The following VPS13A variants were observed in gnomAD, a reference collection of about 807,000 sequenced individuals.
The protein encoded by VPS13A is vacuolar protein sorting 13 homolog A, also known as intermembrane lipid transfer protein VPS13A.
A neutral mutation model predicts 390.9 loss-of-function variants in VPS13A; 264 were observed. That is an observed-to-expected ratio of 0.68 (90% CI 0.61 to 0.75). The LOEUF (loss-of-function observed/expected upper bound fraction) is 0.75. Ranked by LOEUF, VPS13A falls within the 30% of genes least tolerant of loss-of-function variation. The pLI, the probability that VPS13A is intolerant of heterozygous loss-of-function variation, is 0.00. For missense variants in VPS13A, 3,409 were observed against 3,733.9 expected, an observed-to-expected ratio of 0.91 and a Z score of 2.27; for synonymous variants, 1,231 against 1,227.1, an observed-to-expected ratio of 1.00 and a Z score of -0.07.
chr9:77,405,605 C>T (rs1169097463), intron 69 of VPS13A, among the ~76,000 whole-genome samples: 1 of 152,022 alleles, frequency 6.6e-6, no homozygotes, highest in Non-Finnish European at 1.5e-5. Flanking sequence ...TTCTTTGACC[C>T]CTGGATTATT....
chr9:77,247,213 A>C, intron 19 of VPS13A, 46 bp from the exon 20 acceptor site: 1 of 1,449,276 alleles, frequency 6.9e-7, no homozygotes, highest in Non-Finnish European at 9.4e-7. Context: ...GTATTTCTCG[A>C]GTAATTTGTG....
At chr9:77,204,501 A>G (rs985236637) in intron 3 of VPS13A, among the ~76,000 whole-genome samples, 3 of 152,212 alleles carry the variant, frequency 2.0e-5, no homozygotes, top group African/African-American at 7.2e-5. Flanking sequence ...TTTCATATAT[A>G]TAGTTTATAT....
chr9:77,188,080 A>G (rs1238230967), intron 1 of VPS13A, among the ~76,000 whole-genome samples: 1 of 152,072 alleles, frequency 6.6e-6, no homozygotes, highest in African/African-American at 2.4e-5. Context: ...GATCTGGTTA[A>G]GTGTGTGGCA....
intron 3 of VPS13A, 59 bp downstream of exon 3, chr9:77,201,466 G>A: frequency 7.5e-7 from 1 of 1,329,166 alleles, no homozygotes. Context: ...AGAATAATTT[G>A]CCTAATATAT....
chr9:77,204,144 G>T (rs1466394161), intron 3 of VPS13A, among the ~76,000 whole-genome samples: 4 of 152,112 alleles, frequency 2.6e-5, no homozygotes, highest in Non-Finnish European at 5.9e-5. Flanking sequence ...ATCATGAGAT[G>T]GATCTAAGTG....
intron 68 of VPS13A, among the ~76,000 whole-genome samples, chr9:77,392,937 A>G (rs1044197332): frequency 2.0e-5 from 3 of 151,886 alleles, no homozygotes; most frequent in Admixed American, 6.6e-5. Flanking sequence ...TAGCTGTGGT[A>G]ATATCTTAAA....
At chr9:77,371,280 C>T in intron 67 of VPS13A, 131 bp downstream of exon 67, 3 of 1,292,734 alleles carry the variant, frequency 2.3e-6, no homozygotes, top group Non-Finnish European at 3.2e-6. Context: ...CACATAATAC[C>T]ACAGACTGGG....
intron 19 of VPS13A, among the ~76,000 whole-genome samples, chr9:77,246,883 A>T (rs1418782163): frequency 6.6e-6 from 1 of 152,168 alleles, no homozygotes; most frequent in African/African-American, 2.4e-5. Context: ...ATTGTTCAGT[A>T]TGGTAAATGT....
chr9:77,180,415 TC>T (rs1369958176), intron 1 of VPS13A, among the ~76,000 whole-genome samples: 6 of 152,238 alleles, frequency 3.9e-5, no homozygotes, highest in Non-Finnish European at 4.4e-5. Flanking sequence ...TCCCATTTTG[TC>T]TTTTGCAGAG....
chr9:77,208,955 A>G (rs1825824220), intron 5 of VPS13A, among the ~76,000 whole-genome samples: 1 of 152,210 alleles, frequency 6.6e-6, no homozygotes, highest in African/African-American at 2.4e-5. Context: ...CCTTGTTCAA[A>G]AGAAGAAAGA....
At chr9:77,345,251 G>C (rs1365177566) in intron 52 of VPS13A, 109 bp downstream of exon 52, 1 of 1,228,506 alleles carries the variant, frequency 8.1e-7, no homozygotes, top group East Asian at 2.3e-5. Flanking sequence ...TAGCATTGTA[G>C]CTGTGTAAAA....
chr9:77,384,533 T>G lies in VPS13A; in HGVS notation c.9189+2446T>G, dbSNP rs187096552. On this transcript the variant is annotated intron_variant, in intron 68 of 71. Coordinates refer to ENST00000360280, the MANE Select transcript of VPS13A (RefSeq NM_033305.3). ...TAATCTTACATGTTTTCAAGCAATT[T>G]GCCATACTCTACTAACCTTTGTGCT... 5.5e-5 allele frequency: 89 copies of G among 1,608,802 alleles called. No individual in the cohort carries two copies. In the African/African-American group the frequency reaches 1.0e-3, roughly 18 times the overall value.
intron 46 of VPS13A, among the ~76,000 whole-genome samples, chr9:77,336,061 A>G (rs950000115): frequency 2.0e-5 from 3 of 152,200 alleles, no homozygotes; most frequent in Non-Finnish European, 2.9e-5. Context: ...TTGCAGGGAC[A>G]TGGGTGAAGC....
chr9:77,194,801 C>T (rs1824893131), intron 1 of VPS13A, among the ~76,000 whole-genome samples: 1 of 152,050 alleles, frequency 6.6e-6, no homozygotes, highest in South Asian at 2.1e-4. Flanking sequence ...TGTTCACTCT[C>T]AGTGCCTTCC....
chr9:77,205,714 C>G (rs1825601669), intron 4 of VPS13A, among the ~76,000 whole-genome samples: 1 of 151,964 alleles, frequency 6.6e-6, no homozygotes, highest in Admixed American at 6.6e-5. Flanking sequence ...GCCTCAGCCT[C>G]CTGAGTAGCT....
Position 77,316,364 on chromosome 9 carries a change from C to T in VPS13A, c.4821C>T (p.Ala1607=), listed in dbSNP as rs1488009693. The change falls in exon 39 of 72, where the codon GCC becomes GCT. Residue 1607 remains alanine, a synonymous_variant. Transcript: ENST00000360280. ...TAAIKDLQVR[A]CPFLPVKRKG... ...CCATTAAAGATCTCCAAGTGAGAGC[C>T]TGCCCGTTTCTTCCAGTCAAGAGAA... 1.2e-6 allele frequency: 2 copies of T among 1,613,112 alleles called. No individual in the cohort carries two copies. Among genetic ancestry groups the T allele is most frequent in the Non-Finnish European group, 8.5e-7 (1 of 1,179,320 alleles).
chr9:77,352,516 G>A (rs1156376153), intron 53 of VPS13A, among the ~76,000 whole-genome samples: 2 of 151,958 alleles, frequency 1.3e-5, no homozygotes, highest in Non-Finnish European at 2.9e-5. Context: ...AAAAAAAATT[G>A]TACTTTGATA....
At chr9:77,212,384 C>T (rs1000698019) in intron 7 of VPS13A, among the ~76,000 whole-genome samples, 1 of 151,996 alleles carries the variant, frequency 6.6e-6, no homozygotes, top group African/African-American at 2.4e-5. Flanking sequence ...TATTCCCTGT[C>T]GACCTTAGAA....
chr9:77,277,135 T>C (rs1826731472), intron 26 of VPS13A, among the ~76,000 whole-genome samples: 1 of 152,176 alleles, frequency 6.6e-6, no homozygotes, highest in South Asian at 2.1e-4. Context: ...TCATTTACAT[T>C]TTTTGGATTT....
Sources: gnomAD v4.1 joint callset for allele counts (sites outside exome capture counted in the v4.1 genomes callset) on GRCh38, gnomAD v4.1.1 for gene constraint, MANE v1.5 for transcripts, NCBI Gene and HGNC (gene_info 2026-07-23, HGNC 2026-07-21) for gene names.